DSCAM: variants seen among roughly 807,000 people sequenced by gnomAD.
The protein encoded by DSCAM is cell adhesion molecule DSCAM.
A neutral mutation model predicts 217.7 loss-of-function variants in DSCAM; 47 were observed. The ratio of observed to expected loss-of-function variants is 0.22; its 90% confidence interval spans 0.17 to 0.28. DSCAM has a LOEUF of 0.28. Among genes scored for constraint, DSCAM ranks in the 10% least tolerant of loss-of-function variants. DSCAM has a pLI of 1.00. For missense variants in DSCAM, 2,080 were observed against 2,618.3 expected, an observed-to-expected ratio of 0.79 and a Z score of 4.49; for synonymous variants, 1,056 against 1,015.3, an observed-to-expected ratio of 1.04 and a Z score of -0.76.
At chr21:40,558,314 G>A (rs145989290) in intron 3 of DSCAM, among the ~76,000 whole-genome samples, 1,687 of 152,112 alleles carry the variant, frequency 0.011, 31 homozygotes, top group African/African-American at 0.038. Flanking sequence ...TGGGCATGGC[G>A]GCGGGCACCT....
chr21:40,796,398 C>G (rs919264785), intron 1 of DSCAM, among the ~76,000 whole-genome samples: 5 of 152,284 alleles, frequency 3.3e-5, no homozygotes, highest in South Asian at 2.1e-4. Flanking sequence ...CAGTCCAACA[C>G]GTAATGTGAG....
intron 1 of DSCAM, among the ~76,000 whole-genome samples, chr21:40,794,543 A>G (rs1301126948): frequency 1.4e-4 from 4 of 27,710 alleles, no homozygotes; most frequent in Non-Finnish European, 4.9e-4. Context: ...GTCAAATTGG[A>G]AAAAAAAAAA....
chr21:40,595,219 A>T (rs572462762), intron 3 of DSCAM, among the ~76,000 whole-genome samples: 1 of 152,160 alleles, frequency 6.6e-6, no homozygotes, highest in South Asian at 2.1e-4. Flanking sequence ...CTCTCCAAAA[A>T]ATACAAAAAT....
rs553621333 is a variant in DSCAM, at chr21:40,371,693, G to A, written c.509-2448C>T. ...CTTACGTTAAATAAGGCTTTAGGGC[G>A]TATCATTTCAGAAGAACTTGAACCT... On this transcript the variant is annotated intron_variant, in intron 3 of 32. Coordinates refer to ENST00000400454, the MANE Select transcript of DSCAM (RefSeq NM_001389.5). 7.2e-5 allele frequency among the ~76,000 whole-genome samples: 11 copies of A among 152,232 alleles called. No homozygotes were observed. The South Asian group carries it at 1.2e-3, about 17-fold the overall frequency.
rs61560593 is a variant in DSCAM at position 40,512,010 on chromosome 21, A to AAAT, written c.509-142766_509-142765insATT. The stretch of plus-strand genomic sequence containing the variant: ...TGTCTCAAAAAAAAAAAAAAAAAAA[A>AAAT]GTATTCTATTTGAGGTCTTGCTTTT... On this transcript the variant is annotated intron_variant, in intron 3 of 32. Coordinates refer to ENST00000400454, the MANE Select transcript of DSCAM (RefSeq NM_001389.5). 5.5e-4 allele frequency among the ~76,000 whole-genome samples: 59 copies of AAAT among 106,414 alleles called. 5 individuals are homozygous for AAAT. Among genetic ancestry groups the AAAT allele is most frequent in the African/African-American group, 9.3e-4 (25 of 26,936 alleles). 69.8% of individuals were successfully genotyped at this position (106,414 alleles called of 152,430 possible).
At chr21:40,024,757 A>G (rs1217425358) in intron 32 of DSCAM, among the ~76,000 whole-genome samples, 21 of 73,988 alleles carry the variant, frequency 2.8e-4, no homozygotes, top group Admixed American at 4.6e-4. Flanking sequence ...TTATCAGCTT[A>G]AGGAGATTTT....
chr21:40,723,696 A>C (rs1219850274), intron 1 of DSCAM, among the ~76,000 whole-genome samples: 1 of 152,218 alleles, frequency 6.6e-6, no homozygotes, highest in East Asian at 1.9e-4. Flanking sequence ...TCCTTTTAAG[A>C]AGTAACAATC....
At chr21:40,600,809 C>G (rs1315222975) in intron 3 of DSCAM, among the ~76,000 whole-genome samples, 1 of 152,134 alleles carries the variant, frequency 6.6e-6, no homozygotes, top group Non-Finnish European at 1.5e-5. Flanking sequence ...TATCCTTTCC[C>G]CATTGAATTG....
intron 3 of DSCAM, among the ~76,000 whole-genome samples, chr21:40,516,112 C>A (rs2076297265): frequency 6.6e-6 from 1 of 150,398 alleles, no homozygotes; most frequent in Non-Finnish European, 1.5e-5. Flanking sequence ...TCTTTTATCT[C>A]CCCCACCATA....
At chr21:40,602,401 A>AT (rs1229894580) in intron 3 of DSCAM, among the ~76,000 whole-genome samples, 6 of 151,858 alleles carry the variant, frequency 4.0e-5, no homozygotes, top group African/African-American at 1.4e-4. Flanking sequence ...AATTGGTATC[A>AT]TTTTTTTTCT....
intron 1 of DSCAM, among the ~76,000 whole-genome samples, chr21:40,713,931 T>A (rs764180212): frequency 6.6e-6 from 1 of 152,176 alleles, no homozygotes; most frequent in African/African-American, 2.4e-5. Flanking sequence ...ATCCGCTGCA[T>A]TGTGACAAAG....
intron 3 of DSCAM, among the ~76,000 whole-genome samples, chr21:40,646,198 TGAGATCAA>T (rs1486583677): frequency 6.6e-6 from 1 of 152,046 alleles, no homozygotes; most frequent in African/African-American, 2.4e-5. Flanking sequence ...AGGTGGATCA[TGAGATCAA>T]GAGATCGAGA....
In DSCAM at chr21:40,306,527, CA is replaced by C. The variant is rs566367478; in HGVS notation, c.2062+5553del. ...GGCATCCCTGTCTTGTGCCAGTTTTCAAAGGGAATGCTTCCAGTTTTTGCCC... is the reference window on the plus strand; with the variant it reads ...GGCATCCCTGTCTTGTGCCAGTTTTCAAGGGAATGCTTCCAGTTTTTGCCC... On this transcript the variant is annotated intron_variant, in intron 9 of 32. Coordinates refer to ENST00000400454, the MANE Select transcript of DSCAM (RefSeq NM_001389.5). Among the ~76,000 whole-genome samples, 768 of 146,198 alleles carry C rather than the reference CA, an allele frequency of 5.3e-3. 12 individuals carry two copies. Among genetic ancestry groups the C allele is most frequent in the African/African-American group, 0.019 (730 of 38,522 alleles).
chr21:40,244,608 G>A (rs542012694), intron 11 of DSCAM, among the ~76,000 whole-genome samples: 2 of 152,290 alleles, frequency 1.3e-5, no homozygotes, highest in South Asian at 2.1e-4. Flanking sequence ...TGGGGCGCAC[G>A]AGGAAAGCTG....
intron 3 of DSCAM, among the ~76,000 whole-genome samples, chr21:40,583,026 T>TA (rs901271442): frequency 3.3e-5 from 5 of 151,850 alleles, no homozygotes; most frequent in Admixed American, 6.6e-5. Context: ...TAGGAATCAG[T>TA]AAAAAAATAT....
intron 3 of DSCAM, among the ~76,000 whole-genome samples, chr21:40,598,797 C>G (rs1467090235): frequency 1.3e-5 from 2 of 152,152 alleles, no homozygotes; most frequent in African/African-American, 4.8e-5. Context: ...GCCACCGCGA[C>G]TGGCCCAAAC....
chr21:40,546,081 G>A (rs2076580123), intron 3 of DSCAM, among the ~76,000 whole-genome samples: 1 of 152,240 alleles, frequency 6.6e-6, no homozygotes. Context: ...CACTCATTCT[G>A]TCTTCCCTGA....
At position 40,287,796 on chromosome 21, in the gene DSCAM, G is replaced by C. The variant is rs571900503; in HGVS notation, c.2182+8259C>G. Reference sequence around the variant, plus strand: ...CCCTCTGGGGGACTGTGCGTGGTGAGTGCAGAAGTGACAGCCTCCAGCAGC... The same window carrying C: ...CCCTCTGGGGGACTGTGCGTGGTGACTGCAGAAGTGACAGCCTCCAGCAGC... On this transcript the variant is annotated intron_variant, in intron 10 of 32. Coordinates refer to ENST00000400454, the MANE Select transcript of DSCAM (RefSeq NM_001389.5). Among the ~76,000 whole-genome samples, 18 of 152,260 alleles carry C rather than the reference G, an allele frequency of 1.2e-4. No homozygotes were observed. The South Asian group carries it at 2.9e-3, about 25-fold the overall frequency.
chr21:40,364,395 G>C (rs1018679697), intron 4 of DSCAM, among the ~76,000 whole-genome samples: 3 of 151,978 alleles, frequency 2.0e-5, no homozygotes, highest in Non-Finnish European at 2.9e-5. Flanking sequence ...AGATGAAGCT[G>C]GAAACCATCA....
Sources: gnomAD v4.1 joint callset for allele counts (sites outside exome capture counted in the v4.1 genomes callset) on GRCh38, gnomAD v4.1.1 for gene constraint, MANE v1.5 for transcripts, NCBI Gene and HGNC (gene_info 2026-07-23, HGNC 2026-07-21) for gene names.